Variants in CLVS1 observed in about 807,000 individuals in gnomAD.
CLVS1 encodes clavesin 1.
In CLVS1, 10 loss-of-function variants were observed where a neutral mutation model predicts 33.1. The observed-to-expected ratio is 0.30, with a 90% CI of 0.19 to 0.51. The LOEUF (loss-of-function observed/expected upper bound fraction) is 0.51. CLVS1 is among the 20% of genes least tolerant of loss of function. The pLI is 0.97. For missense variants in CLVS1, 343 were observed against 433.4 expected, an observed-to-expected ratio of 0.79 and a Z score of 1.85; for synonymous variants, 163 against 166.1, an observed-to-expected ratio of 0.98 and a Z score of 0.14.
At chr8:61,279,012 A>G (rs1241004225) in intron 2 of CLVS1, among the ~76,000 whole-genome samples, 1 of 152,234 alleles carries the variant, frequency 6.6e-6, no homozygotes, top group Non-Finnish European at 1.5e-5. Context: ...CATGTGGCTG[A>G]GAGAGTCATT....
At position 61,312,146 on chromosome 8, in the gene CLVS1, G is replaced by A. The variant is rs1585786895; in HGVS notation, c.455+11864G>A. ...TTGTCCCCATAAGGAAGATACTGTA[G>A]AGCCGAGAAGGAAAGCCCCTGGCAC... On this transcript the variant is annotated intron_variant, in intron 2 of 5. Transcript: ENST00000325897. Among the ~76,000 whole-genome samples the A allele has an allele frequency of 2.6e-5, 4 of 152,262 alleles. No individual in the cohort carries two copies. The East Asian group carries it at 7.7e-4, about 29-fold the overall frequency.
chr8:61,166,136 T>TA (rs1554541713), intron 2 of CLVS1, among the ~76,000 whole-genome samples: 3 of 129,246 alleles, frequency 2.3e-5, no homozygotes, highest in African/African-American at 8.5e-5. Context: ...TATTTTATTT[T>TA]TTTTTTTTTG....
intron 2 of CLVS1, among the ~76,000 whole-genome samples, chr8:61,231,271 T>C (rs1808426812): frequency 7.0e-6 from 1 of 142,112 alleles, no homozygotes; most frequent in South Asian, 2.2e-4. Context: ...CCCATGCATA[T>C]AGGCACCTGT....
intron 2 of CLVS1, among the ~76,000 whole-genome samples, chr8:61,258,709 G>A (rs941029420): frequency 2.0e-5 from 3 of 152,064 alleles, no homozygotes; most frequent in Non-Finnish European, 4.4e-5. Flanking sequence ...ATTCAAAATC[G>A]CCACTAAGTT....
chr8:61,332,520 G>T (rs1381031217), intron 2 of CLVS1, among the ~76,000 whole-genome samples: 3 of 152,086 alleles, frequency 2.0e-5, no homozygotes, highest in Non-Finnish European at 4.4e-5. Flanking sequence ...TCCGAAATTT[G>T]TTGATACTTC....
chr8:61,468,273 G>T (rs1019952398), intron 5 of CLVS1, among the ~76,000 whole-genome samples: 5 of 152,164 alleles, frequency 3.3e-5, no homozygotes, highest in Non-Finnish European at 5.9e-5. Context: ...CTTGCACGTA[G>T]CATATGTTCC....
chr8:61,144,380 C>T (rs539491270), intron 2 of CLVS1, among the ~76,000 whole-genome samples: 1 of 152,296 alleles, frequency 6.6e-6, no homozygotes, highest in East Asian at 1.9e-4. Context: ...AGGACATTAA[C>T]TCATCCTTTT....
At chr8:61,306,701 T>C (rs1364293013) in intron 2 of CLVS1, among the ~76,000 whole-genome samples, 4 of 152,200 alleles carry the variant, frequency 2.6e-5, no homozygotes, top group Non-Finnish European at 4.4e-5. Context: ...ACATTCTAGT[T>C]TGTGTTTGTT....
At chr8:61,269,769 C>T (rs1048637813) in intron 2 of CLVS1, among the ~76,000 whole-genome samples, 1 of 148,948 alleles carries the variant, frequency 6.7e-6, no homozygotes, top group Non-Finnish European at 1.5e-5. Flanking sequence ...ATTTTATTCT[C>T]TTTGAAGCAA....
intron 2 of CLVS1, among the ~76,000 whole-genome samples, chr8:61,358,579 C>A (rs1326378182): frequency 6.6e-6 from 1 of 152,116 alleles, no homozygotes; most frequent in Non-Finnish European, 1.5e-5. Flanking sequence ...AAGATTTGGG[C>A]CAACACATAT....
chr8:61,077,586 T>G (rs1440918803), intron 1 of CLVS1, among the ~76,000 whole-genome samples: 1 of 149,752 alleles, frequency 6.7e-6, no homozygotes, highest in Non-Finnish European at 1.5e-5. Flanking sequence ...AGTGATTCTC[T>G]TGCCTCAGCC....
At chr8:61,336,597 T>G (rs1486909865) in intron 2 of CLVS1, among the ~76,000 whole-genome samples, 1 of 151,826 alleles carries the variant, frequency 6.6e-6, no homozygotes, top group Non-Finnish European at 1.5e-5. Context: ...AGAGAAAACA[T>G]GTGCATAAAA....
intron 2 of CLVS1, among the ~76,000 whole-genome samples, chr8:61,331,192 TTAAGC>T (rs764413620): frequency 6.6e-6 from 1 of 152,228 alleles, no homozygotes; most frequent in Non-Finnish European, 1.5e-5. Context: ...CTCATTTTTG[TTAAGC>T]TTCCAATATT....
chr8:61,158,279 C>T (rs1163262726), intron 2 of CLVS1, among the ~76,000 whole-genome samples: 1 of 152,026 alleles, frequency 6.6e-6, no homozygotes, highest in Admixed American at 6.6e-5. Flanking sequence ...AACAATGTTC[C>T]ACGGTGATGA....
At chr8:61,499,346 T>TTGAG (rs1487243091) in intron 5 of CLVS1, 109 bp from the exon 6 acceptor site, 2 of 705,570 alleles carry the variant, frequency 2.8e-6, no homozygotes, top group African/African-American at 1.8e-5. Context: ...CAGTTAATTT[T>TTGAG]TGAGTGTCTA....
At chr8:61,050,930 G>C in the CLVS1 span, among the ~76,000 whole-genome samples, 2 of 152,310 alleles carry the variant, frequency 1.3e-5, no homozygotes, top group South Asian at 4.1e-4. Flanking sequence ...GGGAAAGTAT[G>C]AGCCAGTCAG....
chr8:61,251,893 T>C (rs908631479), intron 2 of CLVS1, among the ~76,000 whole-genome samples: 15 of 152,080 alleles, frequency 9.9e-5, no homozygotes, highest in African/African-American at 3.6e-4. Context: ...TTTTGAAGGG[T>C]TTTTTTGTGT....
Position 61,438,759 on chromosome 8 carries a change from C to A in CLVS1, c.631-15382C>A, listed in dbSNP as rs189879332. Among the ~76,000 whole-genome samples, 620 of 152,222 alleles carry A rather than the reference C, an allele frequency of 4.1e-3. 6 individuals are homozygous for A. Among genetic ancestry groups the A allele is most frequent in the African/African-American group, 0.014 (601 of 41,524 alleles). ...GATGGTATTTGGACAAGTTTTTAAT[C>A]ATTCTAAGTAAAGTTATGTTTCCTC... On this transcript the variant is annotated intron_variant, in intron 3 of 5. Coordinates refer to ENST00000325897, the MANE Select transcript of CLVS1 (RefSeq NM_173519.3).
At chr8:61,411,150 C>T (rs139246798) in intron 3 of CLVS1, among the ~76,000 whole-genome samples, 57 of 152,176 alleles carry the variant, frequency 3.7e-4, no homozygotes, top group African/African-American at 1.3e-3. Flanking sequence ...TTTGTAGATT[C>T]ACTATAGAAA....
Sources: allele counts gnomAD v4.1 joint callset (sites outside exome capture counted in the v4.1 genomes callset), GRCh38; gene constraint gnomAD v4.1.1; transcripts MANE v1.5; gene names NCBI Gene and HGNC (gene_info 2026-07-23, HGNC 2026-07-21).